Variants in USP35 observed in about 807,000 individuals in gnomAD.
USP35 encodes the protein ubiquitin specific peptidase 35.
Under a neutral mutation model 83.8 loss-of-function variants are expected in USP35, and 69 were observed. The ratio of observed to expected loss-of-function variants is 0.82; its 90% CI spans 0.68 to 1.01. The LOEUF (loss-of-function observed/expected upper bound fraction) is 1.01, where lower values mean the gene tolerates loss of function less well. USP35 is among the 50% of genes least tolerant of loss of function. The probability of loss-of-function intolerance (pLI) is 0.00; values close to 1 mark genes in which losing one functional copy is unlikely to be tolerated. For missense variants in USP35, 1,503 were observed against 1,362.5 expected (o/e 1.10, Z -1.62); for synonymous variants, 714 against 589.5 (o/e 1.21, Z -3.06).
At chr11:78,204,764 A>T (rs1486988037) in intron 6 of USP35, among the ~76,000 whole-genome samples, 1 of 152,156 alleles carries the variant, frequency 6.6e-6, no homozygotes, top group Non-Finnish European at 1.5e-5. Context: ...CTCCTTGGTT[A>T]TGTGTGTGTG....
In USP35 at chr11:78,210,297, C is replaced by T; in HGVS notation, c.2442C>T (p.Asp814=). The T allele has an allele frequency of 1.2e-6, 2 of 1,614,040 alleles. No homozygotes were observed. Among genetic ancestry groups the T allele is most frequent in the Non-Finnish European group, 1.7e-6 (2 of 1,180,028 alleles). The change falls in exon 10 of 11, where the codon GAC becomes GAT. Residue 814 remains aspartate, a synonymous_variant. Coordinates refer to ENST00000529308, the MANE Select transcript of USP35 (RefSeq NM_020798.4). ...LILTLLRFSF[D]LRTMRRRKIL... is the part of the protein sequence containing the mutation. ...TCACACTGCTGCGCTTCTCTTTCGA[C>T]CTGCGCACCATGCGGCGCCGCAAGA...
In USP35 at chr11:78,214,383, G is replaced by GGGGGGGGGC. The variant is rs1863987951; in HGVS notation, c.*576_*577insGGCGGGGGG. On this transcript the variant is annotated 3_prime_UTR_variant, in exon 11 of 11. Coordinates refer to ENST00000529308, the MANE Select transcript of USP35 (RefSeq NM_020798.4). ...CAAGCGCCACTGCATGGTTTTGGGG[G>GGGGGGGGGC]GGGGGGCGGGGGGCTAGCTTCTCAC... 1 of 131,766 alleles carries GGGGGGGGGC rather than the reference G, an allele frequency of 7.6e-6. No individual in the cohort carries two copies. The highest frequency in any genetic ancestry group is 7.3e-5 in the Admixed American group (1 of 13,658). The allele number at this position is 131,766 out of a possible 1,614,324, so 8.2% of individuals were successfully genotyped here. A position where few individuals can be genotyped will look rare whatever the true frequency, so the allele number is the denominator to read the frequency against.
intron 7 of USP35, chr11:78,207,282 C>CT: frequency 2.3e-6 from 1 of 437,590 alleles, no homozygotes; most frequent in East Asian, 4.1e-5. Flanking sequence ...CTGGAAGGGG[C>CT]TACAAGGGTC....
chr11:78,221,823 T>C, the USP35 span: 21 of 1,372,740 alleles, frequency 1.5e-5, no homozygotes, highest in East Asian at 2.3e-5. Context: ...GCTGCATGGC[T>C]GCTGCCATGT....
rs1864017886 is a variant in USP35, at chr11:78,214,645, T to TA, written c.*834dup. On this transcript the variant is annotated 3_prime_UTR_variant, in exon 11 of 11. Coordinates refer to ENST00000529308, the MANE Select transcript of USP35 (RefSeq NM_020798.4). ...CCCTGACACTGCTGTAGCCCCCTTC[T>TA]AACTTCTAACCGAAGACAAGACAGA... 1 of 150,292 alleles carries TA rather than the reference T, an allele frequency of 6.7e-6. No homozygotes were observed. The allele number at this position is 150,292 out of a possible 1,614,324, so 9.3% of individuals were successfully genotyped here.
At position 78,200,129 on chromosome 11, in the gene USP35, G is replaced by A. The variant is rs143676391; in HGVS notation, c.937-4G>A. On this transcript the variant is annotated splice_region_variant and splice_polypyrimidine_tract_variant and intron_variant, in intron 4 of 10. Transcript: ENST00000529308. ...GGGACTCCTGACCAGGGACTCTCTTGTAGGTTTTCTCTAAGCTGCTGTACC... is the reference window on the plus strand; with the variant it reads ...GGGACTCCTGACCAGGGACTCTCTTATAGGTTTTCTCTAAGCTGCTGTACC... 2 of 1,614,196 alleles carry A rather than the reference G, an allele frequency of 1.2e-6. No homozygotes were observed. The highest frequency in any genetic ancestry group is 1.7e-5 in the Admixed American group (1 of 60,026).
rs1863517348 is a variant in USP35, at chr11:78,205,973, C to T, written c.1329C>T (p.Leu443=). 5.6e-6 allele frequency: 9 copies of T among 1,614,252 alleles called. No individual in the cohort carries two copies. The highest frequency in any genetic ancestry group is 1.3e-5 in the African/African-American group (1 of 75,068). The change falls in exon 7 of 11, where the codon CTC becomes CTT. Residue 443 remains leucine, a synonymous_variant. Coordinates refer to ENST00000529308, the MANE Select transcript of USP35 (RefSeq NM_020798.4). ...MAKSDTGKIG[L]INLGNTCYVN... Reference sequence around the variant, plus strand: ...AGTCAGACACGGGCAAGATTGGTCTCATCAACCTGGGCAACACATGCTATG... The same window carrying T: ...AGTCAGACACGGGCAAGATTGGTCTTATCAACCTGGGCAACACATGCTATG...
chr11:78,204,708 C>T (rs375071565), intron 6 of USP35, among the ~76,000 whole-genome samples: 180 of 152,242 alleles, frequency 1.2e-3, no homozygotes, highest in African/African-American at 4.0e-3. Flanking sequence ...AAAGAAGGGA[C>T]GAAGAAGATA....
In USP35 at chr11:78,196,401, C is replaced by T; in HGVS notation, c.156C>T (p.Gly52=). The change falls in exon 2 of 11, where the codon GGC becomes GGT. Residue 52 remains glycine (G), a synonymous_variant. Coordinates refer to ENST00000529308, the MANE Select transcript of USP35 (RefSeq NM_020798.4). This position sits in a 1 kb window ranked among gnomAD's most constrained non-coding sequence, Gnocchi z 4.8. ...TGGGCGCGCGCCTCTACGTGGGCGG[C>T]GCGGAGGAGCTGCCGCGCCGCGTGG... ...LALGARLYVG[G]AEELPRRVGC... 1 of 1,357,638 alleles carries T rather than the reference C, an allele frequency of 7.4e-7. No individual in the cohort carries two copies. Among genetic ancestry groups the T allele is most frequent in the Non-Finnish European group, 9.4e-7 (1 of 1,062,000 alleles). The allele number at this position is 1,357,638 out of a possible 1,614,324, so 84.1% of individuals were successfully genotyped here. A position where few individuals can be genotyped will look rare whatever the true frequency, so the allele number is the denominator to read the frequency against.
At chr11:78,221,915 G>A in the USP35 span, 1 of 686,546 alleles carries the variant, frequency 1.5e-6, no homozygotes. Context: ...ATTAAGATCT[G>A]ATATAGGGCA....
chr11:78,200,195 G>T lies in USP35; in HGVS notation c.999G>T (p.Met333Ile), dbSNP rs1421338899. The T allele has an allele frequency of 3.7e-6, 6 of 1,614,184 alleles. No homozygotes were observed. The highest frequency in any genetic ancestry group is 2.2e-5 in the South Asian group (2 of 91,084). ...RGAALSVLKY[M>I]LLTFQHSHEA... is the part of the protein sequence containing the mutation. ...CTGCCTTGTCTGTGCTCAAGTACATGCTCCTGACCTTCCAGCACTCCCACG... is the reference window on the plus strand; with the variant it reads ...CTGCCTTGTCTGTGCTCAAGTACATTCTCCTGACCTTCCAGCACTCCCACG... The change falls in exon 5 of 11, where the codon ATG becomes ATT. Residue 333 changes from methionine (M) to isoleucine (I), a missense_variant. Coordinates refer to ENST00000529308, the MANE Select transcript of USP35 (RefSeq NM_020798.4).
chr11:78,209,526 G>C lies in USP35; in HGVS notation c.1671G>C (p.Glu557Asp). The C allele has an allele frequency of 6.2e-7, 1 of 1,614,112 alleles. No individual in the cohort carries two copies. The highest frequency in any genetic ancestry group is 8.5e-7 in the Non-Finnish European group (1 of 1,179,998). The change falls in exon 10 of 11, where the codon GAG becomes GAC. Residue 557 changes from glutamate to aspartate, a missense_variant. Transcript: ENST00000529308. ...KQSSSPSPPEEPPAPSSTSVE... is the reference protein window; with the variant it reads ...KQSSSPSPPEDPPAPSSTSVE... ...CCAGCTCGCCCTCTCCGCCCGAGGA[G>C]CCCCCGGCCCCAAGTTCAACCTCTG...
chr11:78,217,246 C>G (rs1488426008), downstream of USP35: 1 of 152,296 alleles, frequency 6.6e-6, no homozygotes, highest in African/African-American at 2.4e-5. Flanking sequence ...TGTCCTTGTC[C>G]TTTTTCTGAT....
rs751803501 is a variant in USP35, at chr11:78,196,449, C to G, written c.204C>G (p.Ala68=). The part of the protein sequence containing the change: ...RRVGCQLLHV[A]GRHHPDVFAE... ...TGGGCTGCCAGCTGCTGCACGTGGC[C>G]GGCCGCCACCACCCCGACGTCTTCG... The change falls in exon 2 of 11, where the codon GCC becomes GCG. Residue 68 remains alanine (A), a synonymous_variant. Coordinates refer to ENST00000529308, the MANE Select transcript of USP35 (RefSeq NM_020798.4). The surrounding 1 kb of genome is among the most constrained non-coding windows in gnomAD (Gnocchi z 4.8). 8.7e-6 allele frequency: 11 copies of G among 1,266,278 alleles called. No homozygotes were observed. The East Asian group carries it at 2.6e-4, about 30-fold the overall frequency. 78.4% of individuals were successfully genotyped at this position (1,266,278 alleles called of 1,614,324 possible). A position where few individuals can be genotyped will look rare whatever the true frequency, so the allele number is the denominator to read the frequency against.
chr11:78,215,542 CAA>C (rs1277193893), downstream of USP35: 2 of 152,560 alleles, frequency 1.3e-5, no homozygotes, highest in Non-Finnish European at 2.9e-5. Context: ...TAAATGGTAA[CAA>C]GACAAGAACT....
chr11:78,227,195 C>G, the USP35 span: 1 of 635,418 alleles, frequency 1.6e-6, no homozygotes, highest in Admixed American at 2.6e-5. Context: ...GTTGTTCAGA[C>G]TCTAGTATAT....
chr11:78,196,362 G>T lies in USP35; in HGVS notation c.117G>T (p.Leu39=). The stretch of plus-strand genomic sequence containing the variant: ...AGCCGCTGGAGCGTGAGCAGTGCCT[G>T]GCGCTGCTGGCGCTGGGCGCGCGCC... ...ARQPLEREQC[L]ALLALGARLY... Residue 39 remains leucine, a synonymous_variant, in exon 2 of 11, where the codon CTG becomes CTT. Transcript: ENST00000529308. The surrounding 1 kb of genome is among the most constrained non-coding windows in gnomAD (Gnocchi z 4.8). 1 of 1,530,424 alleles carries T rather than the reference G, an allele frequency of 6.5e-7. No homozygotes were observed. Among genetic ancestry groups the T allele is most frequent in the Non-Finnish European group, 8.7e-7 (1 of 1,151,986 alleles). 94.8% of individuals were successfully genotyped at this position (1,530,424 alleles called of 1,614,324 possible). A position where few individuals can be genotyped will look rare whatever the true frequency, so the allele number is the denominator to read the frequency against.
intron 1 of USP35, among the ~76,000 whole-genome samples, chr11:78,192,464 T>A (rs940304346): frequency 6.6e-6 from 1 of 152,228 alleles, no homozygotes; most frequent in African/African-American, 2.4e-5. Flanking sequence ...CCTGGCCTGA[T>A]GGGGCCAGGT....
Position 78,197,961 on chromosome 11 carries a change from G to A in USP35, c.699G>A (p.Leu233=). ...AGGAGGAGCCACCATCTAGCGCCCT[G>A]GCCAGCGTGGTCCAGCACCTCCCAT... ...CAEEEPPSSA[L]ASVVQHLPLE... is the part of the protein sequence containing the mutation. Residue 233 remains leucine, a synonymous_variant, in exon 3 of 11, where the codon CTG becomes CTA. Transcript: ENST00000529308. 6.2e-7 allele frequency: 1 copy of A among 1,614,174 alleles called. No homozygotes were observed. The highest frequency in any genetic ancestry group is 1.1e-5 in the South Asian group (1 of 91,084).
Sources: allele counts gnomAD v4.1 joint callset (sites outside exome capture counted in the v4.1 genomes callset), GRCh38; gene constraint gnomAD v4.1.1; non-coding constraint Gnocchi (gnomAD v3.1); transcripts MANE v1.5; gene names NCBI Gene and HGNC (gene_info 2026-07-23, HGNC 2026-07-21).